Variants in MCF2L observed in about 807,000 individuals in gnomAD.
MCF2L encodes MCF.2 cell line derived transforming sequence like.
Under a neutral mutation model 153.4 loss-of-function variants are expected in MCF2L, and 97 were observed. That is an observed-to-expected ratio of 0.63 (90% CI 0.54 to 0.75). The LOEUF is 0.75. MCF2L is among the 30% of genes least tolerant of loss of function. The pLI is 0.00. For missense variants in MCF2L, 1,347 were observed against 1,495.2 expected (o/e 0.90, Z 1.64); for synonymous variants, 659 against 632.2 (o/e 1.04, Z -0.64).
intron 2 of MCF2L, among the ~76,000 whole-genome samples, chr13:112,930,868 C>T (rs979868456): frequency 1.3e-5 from 2 of 152,122 alleles, no homozygotes; most frequent in Admixed American, 1.3e-4. Flanking sequence ...ACCCAGGAGG[C>T]AGGGGTTGGA....
At chr13:113,079,611 C>T (rs921010442) in intron 15 of MCF2L, among the ~76,000 whole-genome samples, 12 of 152,262 alleles carry the variant, frequency 7.9e-5, no homozygotes, top group East Asian at 1.9e-4. Flanking sequence ...GGTTGGGAGA[C>T]GGCGCAAAAT....
rs2031247570 is a variant in MCF2L, at chr13:113,060,688, A to C, written c.465A>C (p.Arg155Ser). ...CCGACATCGCTTTCAAATTCAATAG[A>C]GATGACTTTAAGATGAAGGTGCCGG... Reference protein sequence around the residue: ...TLSDIAFKFNRDDFKMKVPVI... With the variant: ...TLSDIAFKFNSDDFKMKVPVI... The change falls in exon 5 of 30, where the codon AGA becomes AGC. Residue 155 changes from arginine (R) to serine (S), a missense_variant. Physicochemically the swap from Arg to Ser is moderately radical, Grantham distance 110 (BLOSUM62 -1). Coordinates refer to ENST00000535094, the MANE Select transcript of MCF2L (RefSeq NM_001112732.3). 6.2e-7 allele frequency: 1 copy of C among 1,613,528 alleles called. No homozygotes were observed. The highest frequency in any genetic ancestry group is 1.7e-5 in the Admixed American group (1 of 60,020).
chr13:113,038,575 A>T (rs1477714321), intron 3 of MCF2L, among the ~76,000 whole-genome samples: 1 of 152,236 alleles, frequency 6.6e-6, no homozygotes, highest in Non-Finnish European at 1.5e-5. Flanking sequence ...TTCTCTCTAA[A>T]TAAACATATA....
chr13:112,963,221 T>C (rs2140765370), intron 2 of MCF2L, among the ~76,000 whole-genome samples: 1 of 152,286 alleles, frequency 6.6e-6, no homozygotes, highest in Middle Eastern at 3.4e-3. Context: ...CTTCACGTCC[T>C]CCTCCCAAAC....
chr13:113,096,835 C>A lies in MCF2L; in HGVS notation c.3354C>A (p.Ala1118=). Residue 1118 remains alanine (A), a synonymous_variant, in exon 30 of 30, where the codon GCC becomes GCA. Transcript: ENST00000535094. The part of the protein sequence containing the change: ...NSSSCSEGGQ[A]PFSDLQG ...CCAGCTGCAGCGAGGGCGGCCAGGC[C>A]CCCTTCTCCGACCTGCAGGGGTAGC... is the stretch of plus-strand genomic sequence containing the variant. 1 of 1,516,016 alleles carries A rather than the reference C, an allele frequency of 6.6e-7. No individual in the cohort carries two copies. 93.9% of individuals were successfully genotyped at this position (1,516,016 alleles called of 1,614,324 possible).
Position 113,065,001 on chromosome 13 carries a change from G to A in MCF2L, c.672G>A (p.Glu224=). ...TAQMLQSFGT[E]LAETELPNDV... Reference sequence around the variant, plus strand: ...AGATGCTGCAGTCCTTCGGGACCGAGCTGGCTGAAACAGAGCTGCCCAATG... The same window carrying A: ...AGATGCTGCAGTCCTTCGGGACCGAACTGGCTGAAACAGAGCTGCCCAATG... Residue 224 remains glutamate (E), a synonymous_variant, in exon 7 of 30, where the codon GAG becomes GAA. Coordinates refer to ENST00000535094, the MANE Select transcript of MCF2L (RefSeq NM_001112732.3). 1 of 1,613,116 alleles carries A rather than the reference G, an allele frequency of 6.2e-7. No individual in the cohort carries two copies. Among genetic ancestry groups the A allele is most frequent in the South Asian group, 1.1e-5 (1 of 91,084 alleles).
intron 13 of MCF2L, among the ~76,000 whole-genome samples, chr13:113,077,599 T>G (rs1430124874): frequency 2.0e-5 from 3 of 152,122 alleles, no homozygotes; most frequent in African/African-American, 7.2e-5. Context: ...GTCTGTCCTT[T>G]CCCGGTGCTA....
intron 1 of MCF2L, among the ~76,000 whole-genome samples, chr13:112,998,434 TC>T (rs1206924276): frequency 6.6e-6 from 1 of 152,136 alleles, no homozygotes. Flanking sequence ...TCTGGAGGGT[TC>T]CGGAGGGTCC....
intron 16 of MCF2L, 58 bp from the exon 17 acceptor site, chr13:113,082,369 C>G: frequency 9.8e-7 from 1 of 1,019,658 alleles, no homozygotes; most frequent in Non-Finnish European, 1.6e-6. Context: ...CCTGGCCCAC[C>G]TGCCCCCCCA....
intron 1 of MCF2L, among the ~76,000 whole-genome samples, chr13:113,000,825 G>A (rs533330910): frequency 6.6e-6 from 1 of 152,212 alleles, no homozygotes; most frequent in Non-Finnish European, 1.5e-5. Flanking sequence ...GGAAGAGGCC[G>A]GGGCCAGCAG....
In MCF2L at chr13:113,081,231, C is replaced by G; in HGVS notation, c.1827C>G (p.Leu609=). The G allele has an allele frequency of 1.3e-6, 2 of 1,591,090 alleles. No individual in the cohort carries two copies. Among genetic ancestry groups the G allele is most frequent in the African/African-American group, 1.3e-5 (1 of 74,952 alleles). Residue 609 remains leucine, a synonymous_variant, in exon 16 of 30, where the codon CTC becomes CTG. Coordinates refer to ENST00000535094, the MANE Select transcript of MCF2L (RefSeq NM_001112732.3). ...CCACCAGGCACGTGATGAGCGAGCTCCTGGACACAGAACGGGCCTACGTGG... is the reference window on the plus strand; with the variant it reads ...CCACCAGGCACGTGATGAGCGAGCTGCTGGACACAGAACGGGCCTACGTGG... ...AILRRHVMSE[L]LDTERAYVEE...
rs534858397 is a variant in MCF2L at position 112,896,459 on chromosome 13, C to G, written c.-5+2028C>G. 1.7e-3 allele frequency among the ~76,000 whole-genome samples: 259 copies of G among 152,072 alleles called. 1 individual carries two copies. The highest frequency in any genetic ancestry group is 5.7e-3 in the African/African-American group (238 of 41,428). ...CTCCAGGTCACTTCAGAAGAGAGGCCCCCCCTGTCTTTACAGCCATGTAAT... is the reference window on the plus strand; with the variant it reads ...CTCCAGGTCACTTCAGAAGAGAGGCGCCCCCTGTCTTTACAGCCATGTAAT... On this transcript the variant is annotated intron_variant, in intron 1 of 29. Coordinates refer to the MCF2L transcript ENST00000375608.
rs150220613 is a variant in MCF2L at position 113,084,967 on chromosome 13, G to A, written c.2137G>A (p.Asp713Asn). ...TGAGAGCCTGTGGAGACAGTGCTCCGACTGCCCGTTTTTCCAGGTTTGTCC... is the reference window on the plus strand; with the variant it reads ...TGAGAGCCTGTGGAGACAGTGCTCCAACTGCCCGTTTTTCCAGGTTTGTCC... ...RSESLWRQCSDCPFFQECQRK... is the reference protein window; with the variant it reads ...RSESLWRQCSNCPFFQECQRK... Residue 713 changes from aspartate (D) to asparagine (N), a missense_variant, in exon 19 of 30, where the codon GAC (aspartate) becomes AAC (asparagine). Asp to Asn is a conservative substitution (Grantham distance 23, BLOSUM62 1). Coordinates refer to ENST00000535094, the MANE Select transcript of MCF2L (RefSeq NM_001112732.3). The A allele has an allele frequency of 5.7e-5, 92 of 1,613,898 alleles. No individual in the cohort carries two copies. Among genetic ancestry groups the A allele is most frequent in the Middle Eastern group, 1.6e-4 (1 of 6,084 alleles).
rs1176121517 is a variant in MCF2L at position 112,932,237 on chromosome 13, G to A, written c.169+29866G>A. Reference sequence around the variant, plus strand: ...CTCGTGCCCTGGGTAAGGCGTGACCGGGATGGCACTTTACCTCTGTAGTCC... The same window carrying A: ...CTCGTGCCCTGGGTAAGGCGTGACCAGGATGGCACTTTACCTCTGTAGTCC... On this transcript the variant is annotated intron_variant, in intron 2 of 29. Transcript: ENST00000375608. The surrounding 1 kb of genome is among the most constrained non-coding windows in gnomAD (Gnocchi z 4.6). 6.7e-6 allele frequency among the ~76,000 whole-genome samples: 1 copy of A among 150,220 alleles called. No homozygotes were observed. Among genetic ancestry groups the A allele is most frequent in the African/African-American group, 2.5e-5 (1 of 40,700 alleles).
At chr13:112,990,880 G>A (rs2082869863) in intron 1 of MCF2L, among the ~76,000 whole-genome samples, 1 of 152,252 alleles carries the variant, frequency 6.6e-6, no homozygotes, top group East Asian at 1.9e-4. Flanking sequence ...GTGCTTATCA[G>A]CTTTGAGGAG....
At position 113,053,783 on chromosome 13, in the gene MCF2L, C is replaced by G. The variant is rs1354413884; in HGVS notation, c.370-6810C>G. Among the ~76,000 whole-genome samples, 1 of 152,182 alleles carries G rather than the reference C, an allele frequency of 6.6e-6. No individual in the cohort carries two copies. The highest frequency in any genetic ancestry group is 1.5e-5 in the Non-Finnish European group (1 of 68,034). ...TGTTACTCTGTCTCCTCCTGTGTCC[C>G]TGCAGCTGTGTCTCCAGTGATCTTG... is the stretch of plus-strand genomic sequence containing the variant. On this transcript the variant is annotated intron_variant, in intron 4 of 29. Coordinates refer to ENST00000535094, the MANE Select transcript of MCF2L (RefSeq NM_001112732.3). This position sits in a 1 kb window ranked among gnomAD's most constrained non-coding sequence, Gnocchi z 4.4.
chr13:113,039,370 A>G (rs1410317989), intron 3 of MCF2L, among the ~76,000 whole-genome samples: 1 of 152,244 alleles, frequency 6.6e-6, no homozygotes, highest in African/African-American at 2.4e-5. Context: ...CGACAAACAT[A>G]GGAAAATGCC....
rs573055636 is a variant in MCF2L at position 112,960,527 on chromosome 13, G to A, written c.170-54236G>A. On this transcript the variant is annotated intron_variant, in intron 2 of 29. Transcript: ENST00000375608. The surrounding 1 kb of genome is among the most constrained non-coding windows in gnomAD (Gnocchi z 4.2). ...GGATGCTGGAGTTTCTCTCCAAGGG[G>A]GCGGGATAGGCTGTCATTCTGGGGA... Among the ~76,000 whole-genome samples the A allele has an allele frequency of 5.3e-5, 8 of 152,224 alleles. No homozygotes were observed. In the East Asian group the frequency reaches 1.5e-3, roughly 29 times the overall value.
intron 4 of MCF2L, among the ~76,000 whole-genome samples, chr13:113,048,795 C>T (rs2087006547): frequency 6.6e-6 from 1 of 152,188 alleles, no homozygotes. Context: ...TGAGGCTTTT[C>T]TCTGTCCCAG....
Sources: allele counts gnomAD v4.1 joint callset (sites outside exome capture counted in the v4.1 genomes callset), GRCh38; gene constraint gnomAD v4.1.1; non-coding constraint Gnocchi (gnomAD v3.1); transcripts MANE v1.5; gene names NCBI Gene and HGNC (gene_info 2026-07-23, HGNC 2026-07-21).